BRINP2: variants seen among roughly 807,000 people sequenced by gnomAD.
BRINP2 encodes BMP/retinoic acid inducible neural specific 2.
A neutral mutation model predicts 69.2 loss-of-function variants in BRINP2; 21 were observed. The observed-to-expected ratio is 0.30, with a 90% CI of 0.22 to 0.44. The LOEUF is 0.44. Ranked by LOEUF, BRINP2 falls within the 20% of genes least tolerant of loss-of-function variation. BRINP2 has a pLI of 1.00. For missense variants in BRINP2, 877 were observed against 986.0 expected (o/e 0.89, Z 1.48); for synonymous variants, 380 against 394.1 (o/e 0.96, Z 0.42).
At chr1:177,173,483 G>C (rs1460969794) in intron 1 of BRINP2, among the ~76,000 whole-genome samples, 2 of 152,160 alleles carry the variant, frequency 1.3e-5, no homozygotes, top group Non-Finnish European at 2.9e-5. Flanking sequence ...AATGGAGCTG[G>C]CTTTGTCTCC....
intron 1 of BRINP2, among the ~76,000 whole-genome samples, chr1:177,195,005 T>C (rs1230963089): frequency 6.6e-6 from 1 of 152,160 alleles, no homozygotes; most frequent in Non-Finnish European, 1.5e-5. Context: ...CGATCATCTA[T>C]TGTATGGCCA....
intron 5 of BRINP2, among the ~76,000 whole-genome samples, chr1:177,274,446 G>A (rs11583327): frequency 0.15 from 22,824 of 152,112 alleles, 1,826 homozygotes; most frequent in Middle Eastern, 0.28. Flanking sequence ...AGTCAAATGC[G>A]ACCCAGCAAT....
At chr1:177,199,359 A>G (rs910790866) in intron 1 of BRINP2, among the ~76,000 whole-genome samples, 4 of 152,198 alleles carry the variant, frequency 2.6e-5, no homozygotes, top group African/African-American at 9.6e-5. Flanking sequence ...TGAGTCCAGC[A>G]GAGAGGATGA....
chr1:177,234,920 AGGTGATT>A (rs1330422952), intron 2 of BRINP2, among the ~76,000 whole-genome samples: 5 of 152,248 alleles, frequency 3.3e-5, no homozygotes, highest in African/African-American at 1.2e-4. Flanking sequence ...GGATAGAATC[AGGTGATT>A]GGTGAATGAG....
At chr1:177,269,774 G>T (rs141311302) in intron 4 of BRINP2, among the ~76,000 whole-genome samples, 47 of 152,236 alleles carry the variant, frequency 3.1e-4, no homozygotes, top group African/African-American at 1.1e-3. Context: ...CTGGAATGAG[G>T]GTTTGCATGA....
At chr1:177,243,191 G>A (rs2102335013) in intron 2 of BRINP2, among the ~76,000 whole-genome samples, 2 of 152,138 alleles carry the variant, frequency 1.3e-5, no homozygotes, top group Admixed American at 1.3e-4. Flanking sequence ...GATTAATTGA[G>A]AAAGAAGAAA....
At position 177,273,581 on chromosome 1, in the gene BRINP2, G is replaced by A. The variant is rs370267758; in HGVS notation, c.763G>A (p.Val255Ile). Reference protein sequence around the residue: ...SVLVQSPENKVQLLGLQVLLP... With the variant: ...SVLVQSPENKIQLLGLQVLLP... ...CTTGGTACAGAGTCCAGAGAACAAA[G>A]TACAGTTACTTGGTAAGCAGCACTA... Residue 255 changes from valine (V) to isoleucine (I), a missense_variant, in exon 5 of 8, where the codon GTA becomes ATA. Coordinates refer to ENST00000361539, the MANE Select transcript of BRINP2 (RefSeq NM_021165.4). 1.9e-6 allele frequency: 3 copies of A among 1,583,956 alleles called. No individual in the cohort carries two copies. The highest frequency in any genetic ancestry group is 2.6e-6 in the Non-Finnish European group (3 of 1,164,362).
chr1:177,281,618 G>A lies in BRINP2; in HGVS notation c.*90G>A, dbSNP rs1216621483. The stretch of plus-strand genomic sequence containing the variant: ...AAGCCCTCACCTTAGTGCCAACAGG[G>A]TGTGCTCCCACGAGACTTTCAGCAT... On this transcript the variant is annotated 3_prime_UTR_variant, in exon 8 of 8. Coordinates refer to ENST00000361539, the MANE Select transcript of BRINP2 (RefSeq NM_021165.4). The A allele has an allele frequency of 6.8e-7, 1 of 1,467,958 alleles. No homozygotes were observed. The highest frequency in any genetic ancestry group is 2.3e-5 in the East Asian group (1 of 43,894). 90.9% of individuals were successfully genotyped at this position (1,467,958 alleles called of 1,614,324 possible).
chr1:177,263,726 T>TAAGG (rs1651030568), intron 4 of BRINP2, among the ~76,000 whole-genome samples: 1 of 152,256 alleles, frequency 6.6e-6, no homozygotes, highest in Non-Finnish European at 1.5e-5. Flanking sequence ...GTAGAAGAGA[T>TAAGG]AAGGATGACT....
At chr1:177,252,113 G>C (rs1273605825) in intron 2 of BRINP2, among the ~76,000 whole-genome samples, 2 of 152,174 alleles carry the variant, frequency 1.3e-5, no homozygotes, top group African/African-American at 4.8e-5. Flanking sequence ...TTAGGCAACT[G>C]TTCTTTACCC....
chr1:177,244,654 G>A (rs1407153445), intron 2 of BRINP2, among the ~76,000 whole-genome samples: 1 of 152,026 alleles, frequency 6.6e-6, no homozygotes, highest in African/African-American at 2.4e-5. Flanking sequence ...AAATAAAAAC[G>A]AAATTTATTC....
intron 2 of BRINP2, among the ~76,000 whole-genome samples, chr1:177,248,979 C>A (rs1650491693): frequency 6.6e-6 from 1 of 152,144 alleles, no homozygotes; most frequent in African/African-American, 2.4e-5. Context: ...TATTGCAGGG[C>A]CCCTTTGGAT....
In BRINP2 at chr1:177,257,374, G is replaced by A. The variant is rs779683988; in HGVS notation, c.659G>A (p.Gly220Glu). ...RRLHHIQIAT[G>E]AIKVTETRTG... is the part of the protein sequence containing the mutation. Reference sequence around the variant, plus strand: ...CTGCACCATATCCAGATAGCCACGGGGGCCATCAAGGTAATGACCTGAGAG... The same window carrying A: ...CTGCACCATATCCAGATAGCCACGGAGGCCATCAAGGTAATGACCTGAGAG... The change falls in exon 4 of 8, where the codon GGG becomes GAG. Residue 220 changes from glycine to glutamate, a missense_variant. Physicochemically the swap from Gly to Glu is moderately conservative, Grantham distance 98 (BLOSUM62 -2). This residue lies in a region of BRINP2 where 566 missense variants were observed against 625.2 expected (regional missense o/e 0.91). Coordinates refer to ENST00000361539, the MANE Select transcript of BRINP2 (RefSeq NM_021165.4). The A allele has an allele frequency of 6.2e-7, 1 of 1,609,722 alleles. No homozygotes were observed. The highest frequency in any genetic ancestry group is 8.5e-7 in the Non-Finnish European group (1 of 1,177,044).
intron 2 of BRINP2, among the ~76,000 whole-genome samples, chr1:177,236,532 C>G (rs1650033692): frequency 6.6e-6 from 1 of 152,198 alleles, no homozygotes; most frequent in African/African-American, 2.4e-5. Context: ...TATTATTGCA[C>G]TAGATTCTGA....
intron 2 of BRINP2, among the ~76,000 whole-genome samples, chr1:177,243,752 T>G (rs770803116): frequency 3.9e-5 from 6 of 152,164 alleles, no homozygotes; most frequent in Non-Finnish European, 2.9e-5. Flanking sequence ...CCAATACAAT[T>G]TATGAGAGAC....
Position 177,257,335 on chromosome 1 carries a change from G to A in BRINP2, c.620G>A (p.Ser207Asn), listed in dbSNP as rs761906218. The part of the protein sequence containing the change: ...LAASYFIDRE[S>N]TLRRLHHIQI... ...GCCTCCTACTTCATCGACAGAGAGA[G>A]CACGCTGCGACGGCTGCACCATATC... Residue 207 changes from serine to asparagine, a missense_variant, in exon 4 of 8, where the codon AGC becomes AAC. By Grantham distance (46) the Ser-to-Asn change is conservative (BLOSUM62 1). This residue lies in a region of BRINP2 where 566 missense variants were observed against 625.2 expected (regional missense o/e 0.91). Coordinates refer to ENST00000361539, the MANE Select transcript of BRINP2 (RefSeq NM_021165.4). 2 of 1,613,902 alleles carry A rather than the reference G, an allele frequency of 1.2e-6. No homozygotes were observed. The highest frequency in any genetic ancestry group is 2.7e-5 in the African/African-American group (2 of 74,888).
intron 2 of BRINP2, among the ~76,000 whole-genome samples, chr1:177,251,508 C>T (rs1464047503): frequency 6.6e-6 from 1 of 152,198 alleles, no homozygotes; most frequent in Non-Finnish European, 1.5e-5. Flanking sequence ...CTGTCATTTA[C>T]TAACTGTGTG....
intron 5 of BRINP2, among the ~76,000 whole-genome samples, chr1:177,274,100 G>T (rs1651419564): frequency 6.6e-6 from 1 of 152,204 alleles, no homozygotes; most frequent in Non-Finnish European, 1.5e-5. Flanking sequence ...TCTGTTATTT[G>T]TCTGTGATCT....
intron 1 of BRINP2, among the ~76,000 whole-genome samples, chr1:177,189,291 G>A (rs1460419331): frequency 6.6e-6 from 1 of 152,084 alleles, no homozygotes; most frequent in Non-Finnish European, 1.5e-5. Context: ...AAGATTTTCT[G>A]CCATTGAGTC....
Sources: allele counts gnomAD v4.1 joint callset (sites outside exome capture counted in the v4.1 genomes callset), GRCh38; gene constraint gnomAD v4.1.1; regional missense constraint gnomAD v4.1.1; transcripts MANE v1.5; gene names NCBI Gene and HGNC (gene_info 2026-07-23, HGNC 2026-07-21).